The following ABCA12 variants were observed in gnomAD, a reference collection of about 807,000 sequenced individuals.
The protein encoded by ABCA12 is glucosylceramide transporter ABCA12.
Under a neutral mutation model 293.5 loss-of-function variants are expected in ABCA12, and 156 were observed. The observed-to-expected ratio is 0.53, with a 90% CI of 0.47 to 0.61. ABCA12 has a LOEUF of 0.61. Ranked by LOEUF, ABCA12 falls within the 20% of genes least tolerant of loss-of-function variation. ABCA12 has a pLI of 0.00. For synonymous variants in ABCA12, 1,063 were observed against 1,108.0 expected, an observed-to-expected ratio of 0.96 and a Z score of 0.81; for missense variants, 2,797 against 3,090.2, an observed-to-expected ratio of 0.91 and a Z score of 2.25.
chr2:215,102,442 T>G (rs1279881062), intron 2 of ABCA12, among the ~76,000 whole-genome samples: 2 of 151,968 alleles, frequency 1.3e-5, no homozygotes, highest in African/African-American at 4.8e-5. Flanking sequence ...CTACTAAAAA[T>G]ACAAAAATTA....
intron 2 of ABCA12, among the ~76,000 whole-genome samples, chr2:215,095,750 C>A (rs1033566890): frequency 7.3e-6 from 1 of 136,876 alleles, no homozygotes; most frequent in East Asian, 1.9e-4. Flanking sequence ...GTGAAAATGA[C>A]CGGTTCCTGC....
chr2:214,962,876 A>G (rs988138438), intron 39 of ABCA12: 1 of 152,146 alleles, frequency 6.6e-6, no homozygotes, highest in Non-Finnish European at 1.5e-5. Context: ...ACTAATGAGA[A>G]AAAGAGAGAA....
At chr2:215,084,675 C>T (rs1702004568) in intron 2 of ABCA12, among the ~76,000 whole-genome samples, 1 of 152,274 alleles carries the variant, frequency 6.6e-6, no homozygotes, top group East Asian at 1.9e-4. Context: ...TTCCTTTGAA[C>T]TTAGGAACCA....
chr2:215,112,497 GTTTTTTTTTGT>G (rs1283001446), intron 1 of ABCA12, among the ~76,000 whole-genome samples: 3 of 125,610 alleles, frequency 2.4e-5, no homozygotes, highest in Non-Finnish European at 3.4e-5. Flanking sequence ...TTTTTTTTTT[GTTTTTTTTTGT>G]TTTTTTTTGA....
Position 214,957,180 on chromosome 2 carries a change from A to G in ABCA12, c.6118-402T>C, listed in dbSNP as rs1029806275. ...GAACTTTCTCAGATGGTTGATTTCT[A>G]AAGCTTGGTTATCAGTGTGAACCAC... On this transcript the variant is annotated intron_variant, in intron 41 of 52. Transcript: ENST00000272895. Among the ~76,000 whole-genome samples, 3 of 152,218 alleles carry G rather than the reference A, an allele frequency of 2.0e-5. No homozygotes were observed. The East Asian group carries it at 5.8e-4, about 29-fold the overall frequency.
chr2:214,954,861 G>A (rs1034935871), intron 43 of ABCA12, among the ~76,000 whole-genome samples: 1 of 152,274 alleles, frequency 6.6e-6, no homozygotes, highest in African/African-American at 2.4e-5. Context: ...TAACTAAGTC[G>A]TTGTCCTTGT....
Position 214,991,975 on chromosome 2 carries a change from T to C in ABCA12, c.3295-944A>G, listed in dbSNP as rs181868465. On this transcript the variant is annotated intron_variant, in intron 23 of 52. Transcript: ENST00000272895. ...GCAGCGAACCACCATGGCACGTGTA[T>C]ACCTATGTGACAAACCTACACGCTG... Among the ~76,000 whole-genome samples the C allele has an allele frequency of 2.6e-5, 4 of 152,208 alleles. No homozygotes were observed. In the East Asian group the frequency reaches 7.7e-4, roughly 29 times the overall value.
In ABCA12 at chr2:214,949,085, T is replaced by C; in HGVS notation, c.6917A>G (p.Asp2306Gly). ...AATGTTTCCACTTGAAGGAATGATG[T>C]CTCCTGTCAGCATCTTGAATATAGT... ...KTTIFKMLTG[D>G]IIPSSGNILI... Residue 2306 changes from aspartate to glycine, a missense_variant, in exon 46 of 53, where the codon GAC (aspartate) becomes GGC (glycine). Physicochemically the swap from Asp to Gly is moderately conservative, Grantham distance 94. Around this residue, in one of 3 missense-constraint regions of ABCA12, gnomAD observed 2,130 missense variants for 2,427.0 expected, o/e 0.88. Coordinates refer to ENST00000272895, the MANE Select transcript of ABCA12 (RefSeq NM_173076.3). 1 of 1,613,902 alleles carries C rather than the reference T, an allele frequency of 6.2e-7. No homozygotes were observed. Among genetic ancestry groups the C allele is most frequent in the Middle Eastern group, 1.7e-4 (1 of 6,058 alleles).
chr2:214,950,102 C>T lies in ABCA12; in HGVS notation c.6852+777G>A, dbSNP rs182052329. Among the ~76,000 whole-genome samples, 44 of 152,088 alleles carry T rather than the reference C, an allele frequency of 2.9e-4. 1 individual carries two copies. The East Asian group carries it at 6.4e-3, about 22-fold the overall frequency. ...GTGTTCTTATTCCCTAAACAATACACGATAACAACTATTTACATAGCATTT... is the reference window on the plus strand; with the variant it reads ...GTGTTCTTATTCCCTAAACAATACATGATAACAACTATTTACATAGCATTT... On this transcript the variant is annotated intron_variant, in intron 45 of 52. Coordinates refer to ENST00000272895, the MANE Select transcript of ABCA12 (RefSeq NM_173076.3).
chr2:214,949,196 T>A, intron 45 of ABCA12, 47 bp from the exon 46 acceptor site: 1 of 1,341,586 alleles, frequency 7.5e-7, no homozygotes, highest in Non-Finnish European at 1.1e-6. Flanking sequence ...TCCAAACCAA[T>A]GAGACATTGC....
chr2:214,983,905 A>G, intron 28 of ABCA12, 40 bp from the exon 29 acceptor site: 1 of 1,574,098 alleles, frequency 6.4e-7, no homozygotes, highest in African/African-American at 1.3e-5. Flanking sequence ...TAAGCCAAGC[A>G]TTGAAGCTAG....
intron 3 of ABCA12, among the ~76,000 whole-genome samples, chr2:215,061,219 G>A (rs1408074396): frequency 1.3e-5 from 2 of 152,020 alleles, no homozygotes; most frequent in Non-Finnish European, 2.9e-5. Context: ...TCGATGCTGA[G>A]TACAGTGTTG....
At chr2:215,097,480 G>C (rs1702270356) in intron 2 of ABCA12, among the ~76,000 whole-genome samples, 1 of 152,036 alleles carries the variant, frequency 6.6e-6, no homozygotes, top group Admixed American at 6.6e-5. Flanking sequence ...GAGTCCACAT[G>C]ATGCTATAAT....
intron 2 of ABCA12, among the ~76,000 whole-genome samples, chr2:215,104,860 T>C (rs1395494634): frequency 6.6e-6 from 1 of 152,212 alleles, no homozygotes; most frequent in Non-Finnish European, 1.5e-5. Context: ...GGGCTTTATA[T>C]TCATTTTCTT....
intron 11 of ABCA12, 140 bp downstream of exon 11, chr2:215,025,533 A>T (rs967438411): frequency 1.6e-6 from 1 of 633,626 alleles, no homozygotes; most frequent in Non-Finnish European, 2.7e-6. Flanking sequence ...AAATAGCATC[A>T]TTATTTACAA....
chr2:215,112,466 A>C (rs962588026), intron 1 of ABCA12, among the ~76,000 whole-genome samples: 2 of 149,638 alleles, frequency 1.3e-5, no homozygotes, highest in Non-Finnish European at 3.0e-5. Flanking sequence ...ACTGCATTGA[A>C]ATTTCTTTGG....
At chr2:215,122,877 AGTGT>A (rs1702837451) in intron 1 of ABCA12, among the ~76,000 whole-genome samples, 2 of 152,140 alleles carry the variant, frequency 1.3e-5, no homozygotes, top group Non-Finnish European at 2.9e-5. Flanking sequence ...CTAGGCTTCT[AGTGT>A]GCCCGTCACC....
At chr2:215,079,359 A>G (rs909491241) in intron 2 of ABCA12, among the ~76,000 whole-genome samples, 14 of 152,306 alleles carry the variant, frequency 9.2e-5, no homozygotes, top group East Asian at 7.7e-4. Context: ...GCTCTAAAAC[A>G]ATAAAATGTA....
intron 14 of ABCA12, 100 bp from the exon 15 acceptor site, chr2:215,015,763 C>G: frequency 6.5e-6 from 7 of 1,077,010 alleles, no homozygotes; most frequent in Non-Finnish European, 9.8e-6. Flanking sequence ...TAAACTAAAA[C>G]AAAAGGTCCT....
Sources: gnomAD v4.1 joint callset for allele counts (sites outside exome capture counted in the v4.1 genomes callset) on GRCh38, gnomAD v4.1.1 for gene constraint, gnomAD v4.1.1 regional missense constraint, MANE v1.5 for transcripts, NCBI Gene and HGNC (gene_info 2026-07-23, HGNC 2026-07-21) for gene names.